The following MATR3 variants were observed in gnomAD, a reference collection of about 807,000 sequenced individuals.
The protein encoded by MATR3 is matrin 3.
MATR3 carries 4 observed loss-of-function variants against 85.5 expected under a neutral mutation model. The observed-to-expected ratio is 0.05, with a 90% CI of 0.02 to 0.11. The LOEUF (loss-of-function observed/expected upper bound fraction) is 0.11. Among genes scored for constraint, MATR3 ranks in the 10% least tolerant of loss-of-function variants. The pLI, the probability that MATR3 is intolerant of heterozygous loss-of-function variation, is 1.00. For synonymous variants in MATR3, 336 were observed against 343.1 expected (o/e 0.98, Z 0.23); for missense variants, 685 against 1,016.1 (o/e 0.67, Z 4.43).
intron 1 of MATR3, among the ~76,000 whole-genome samples, chr5:139,298,101 A>G (rs1581220792): frequency 6.6e-6 from 1 of 152,342 alleles, no homozygotes; most frequent in African/African-American, 2.4e-5. Context: ...ATGAAGATGC[A>G]TAACTTTCAG....
intron 2 of MATR3, chr5:139,278,299 C>T (rs1489589614): frequency 2.2e-6 from 1 of 453,858 alleles, no homozygotes; most frequent in South Asian, 1.6e-5. Context: ...TGTACTAGAT[C>T]ACTAAGTTTG....
At position 139,307,883 on chromosome 5, in the gene MATR3, G is replaced by C; in HGVS notation, c.468G>C (p.Leu156Phe). 1 of 1,614,090 alleles carries C rather than the reference G, an allele frequency of 6.2e-7. No homozygotes were observed. The highest frequency in any genetic ancestry group is 8.5e-7 in the Non-Finnish European group (1 of 1,179,994). Residue 156 changes from leucine (L) to phenylalanine (F), a missense_variant, in exon 2 of 15, where the codon TTG becomes TTC. This residue lies in a region of MATR3 where 223 missense variants were observed against 334.4 expected (regional missense o/e 0.67). Transcript: ENST00000394805. The surrounding 1 kb of genome is among the most constrained non-coding windows in gnomAD (Gnocchi z 4.4). ...KRRRTEEGPT[L>F]SYGRDGRSAT... ...GGAGAACTGAAGAAGGCCCTACCTT[G>C]AGTTATGGTAGAGATGGCAGATCTG...
intron 1 of MATR3, among the ~76,000 whole-genome samples, chr5:139,298,368 C>G (rs1561927734): frequency 6.6e-6 from 1 of 152,182 alleles, no homozygotes; most frequent in Middle Eastern, 3.4e-3. Flanking sequence ...GCCAGGAGTT[C>G]GAGACCAACC....
chr5:139,276,130 C>T (rs2151849389), exon 2 of MATR3: 1 of 456,724 alleles, frequency 2.2e-6, no homozygotes, highest in Non-Finnish European at 4.4e-6. Flanking sequence ...GAGAGGCTGG[C>T]TGTGGCAGAT....
intron 14 of MATR3, among the ~76,000 whole-genome samples, chr5:139,329,004 CA>C (rs540997120): frequency 6.2e-5 from 9 of 146,196 alleles, no homozygotes; most frequent in East Asian, 4.0e-4. Flanking sequence ...AACTCTCCCT[CA>C]AAAAAAAAAG....
chr5:139,324,472 G>T (rs1448347032), intron 12 of MATR3, among the ~76,000 whole-genome samples: 1 of 151,860 alleles, frequency 6.6e-6, no homozygotes, highest in African/African-American at 2.4e-5. Flanking sequence ...TGTATTTTTA[G>T]TAGAAACGAG....
chr5:139,278,709 CAACTGAT>C (rs1753394034), intron 2 of MATR3: 4 of 464,934 alleles, frequency 8.6e-6, no homozygotes, highest in South Asian at 6.2e-5. Context: ...AGTCAATATT[CAACTGAT>C]ACGTCTTCTA....
chr5:139,290,805 T>C (rs1753848936), upstream of MATR3, among the ~76,000 whole-genome samples: 1 of 152,122 alleles, frequency 6.6e-6, no homozygotes, highest in South Asian at 2.1e-4. Context: ...CTTGTAAATT[T>C]GTCACTAACC....
intron 5 of MATR3, 112 bp from the exon 6 acceptor site, chr5:139,316,941 A>G (rs1028418606): frequency 2.5e-6 from 2 of 805,888 alleles, no homozygotes; most frequent in Middle Eastern, 2.3e-4. Context: ...TGGTAATCAT[A>G]TATTTGTAAG....
chr5:139,316,898 T>C (rs1011535249), intron 5 of MATR3, among the ~76,000 whole-genome samples, 155 bp from the exon 6 acceptor site: 2 of 152,222 alleles, frequency 1.3e-5, no homozygotes, highest in African/African-American at 4.8e-5. Flanking sequence ...CTCATTCAAA[T>C]ATTACACAGA....
At position 139,322,594 on chromosome 5, in the gene MATR3, T is replaced by G. The variant is rs1390878945; in HGVS notation, c.1779-4T>G. 8 of 1,548,024 alleles carry G rather than the reference T, an allele frequency of 5.2e-6. No individual in the cohort carries two copies. The highest frequency in any genetic ancestry group is 6.2e-6 in the Non-Finnish European group (7 of 1,129,072). ...TTAATTGTGGTGTGTCCTTTTGATT[T>G]CAGAAAAAGATCTTACTCTCCAGAT... On this transcript the variant is annotated splice_polypyrimidine_tract_variant and splice_region_variant and intron_variant, in intron 11 of 14. Transcript: ENST00000394805.
chr5:139,309,009 C>A (rs1053051767), intron 2 of MATR3, among the ~76,000 whole-genome samples: 2 of 152,150 alleles, frequency 1.3e-5, no homozygotes, highest in Non-Finnish European at 2.9e-5. Flanking sequence ...TTGGACAAAT[C>A]AACTACTACA....
rs1385838321 is a variant in MATR3 at position 139,319,399 on chromosome 5, C to T, written c.1500C>T (p.Leu500=). The T allele has an allele frequency of 6.2e-7, 1 of 1,614,178 alleles. No individual in the cohort carries two copies. Among genetic ancestry groups the T allele is most frequent in the Admixed American group, 1.7e-5 (1 of 60,024 alleles). Residue 500 remains leucine, a synonymous_variant, in exon 9 of 15, where the codon CTC becomes CTT. Transcript: ENST00000394805. ...AAGAGCTTGGACGTGTGATACATCT[C>T]AGCAATTTGCCGCATTCTGGCTATT... ...QKQELGRVIH[L]SNLPHSGYSD...
intron 5 of MATR3, 50 bp from the exon 6 acceptor site, chr5:139,317,003 T>G (rs1205221589): frequency 6.5e-7 from 1 of 1,537,976 alleles, no homozygotes; most frequent in African/African-American, 1.4e-5. Context: ...AATTGCTTCT[T>G]TAAGCAAGTA....
At chr5:139,321,842 T>TACA in intron 9 of MATR3, 56 bp from the exon 10 acceptor site, 6 of 1,570,710 alleles carry the variant, frequency 3.8e-6, no homozygotes, top group Non-Finnish European at 5.2e-6. Context: ...TAATAAGGTT[T>TACA]TATACAATTT....
intron 1 of MATR3, among the ~76,000 whole-genome samples, chr5:139,298,898 A>C (rs1256538474): frequency 6.6e-6 from 1 of 152,254 alleles, no homozygotes; most frequent in Non-Finnish European, 1.5e-5. Context: ...TGCATACATA[A>C]TGATACCTAT....
intron 1 of MATR3, chr5:139,294,020 G>T: frequency 7.8e-7 from 1 of 1,283,620 alleles, no homozygotes. Flanking sequence ...GCCTTCTAGG[G>T]CGGCGGAGGT....
intron 2 of MATR3, among the ~76,000 whole-genome samples, chr5:139,309,750 C>T (rs776860765): frequency 6.6e-6 from 1 of 152,094 alleles, no homozygotes; most frequent in Non-Finnish European, 1.5e-5. Flanking sequence ...CTAAATATAT[C>T]ATGGAATTCA....
chr5:139,282,474 G>A (rs1753566325), intron 3 of MATR3, among the ~76,000 whole-genome samples: 1 of 152,112 alleles, frequency 6.6e-6, no homozygotes, highest in Non-Finnish European at 1.5e-5. Flanking sequence ...CTTCTTAAGG[G>A]TGATATACTC....
Sources: allele counts gnomAD v4.1 joint callset (sites outside exome capture counted in the v4.1 genomes callset), GRCh38; gene constraint gnomAD v4.1.1; regional missense constraint gnomAD v4.1.1; non-coding constraint Gnocchi (gnomAD v3.1); transcripts MANE v1.5; gene names NCBI Gene and HGNC (gene_info 2026-07-23, HGNC 2026-07-21).